Variants in SORCS2 observed in about 807,000 individuals in gnomAD.
SORCS2 encodes the protein sortilin related VPS10 domain containing receptor 2, also known as VPS10 domain-containing receptor SorCS2.
SORCS2 carries 100 observed loss-of-function variants against 141.6 expected under a neutral mutation model. The ratio of observed to expected loss-of-function variants is 0.71; its 90% confidence interval spans 0.60 to 0.83. SORCS2 has a LOEUF of 0.83. Ranked by LOEUF, SORCS2 falls within the 40% of genes least tolerant of loss-of-function variation. The pLI is 0.00. For missense variants in SORCS2, 1,646 were observed against 1,560.2 expected (o/e 1.05, Z -0.93); for synonymous variants, 789 against 676.9 (o/e 1.17, Z -2.57).
intron 3 of SORCS2, among the ~76,000 whole-genome samples, chr4:7,544,005 C>T (rs1301298690): frequency 1.4e-5 from 2 of 146,306 alleles, no homozygotes; most frequent in African/African-American, 2.5e-5. Context: ...CTCATCCATC[C>T]ATCCATCCAC....
rs564836238 is a variant in SORCS2 at position 7,640,387 on chromosome 4, TGG to T, written c.813+1897_813+1898del. On this transcript the variant is annotated intron_variant, in intron 4 of 26. Coordinates refer to ENST00000507866, the MANE Select transcript of SORCS2 (RefSeq NM_020777.3). ...GCATGTGTGAATGTACATGAGTGTG[TGG>T]GTGTGTGAGTGTGTGTGGGTGAGTG... Among the ~76,000 whole-genome samples, 243 of 137,848 alleles carry T rather than the reference TGG, an allele frequency of 1.8e-3. 4 individuals are homozygous for T. Among genetic ancestry groups the T allele is most frequent in the African/African-American group, 7.9e-3 (231 of 29,154 alleles). The allele number at this position is 137,848 out of a possible 152,430, so 90.4% of individuals were successfully genotyped here. A position where few individuals can be genotyped will look rare whatever the true frequency, so the allele number is the denominator to read the frequency against.
intron 3 of SORCS2, among the ~76,000 whole-genome samples, chr4:7,556,898 T>A (rs1237984338): frequency 6.9e-6 from 1 of 145,720 alleles, no homozygotes; most frequent in African/African-American, 2.5e-5. Context: ...CCACCCACCA[T>A]CCATCCATCC....
At chr4:7,617,590 G>C (rs1419889033) in intron 3 of SORCS2, among the ~76,000 whole-genome samples, 4 of 152,224 alleles carry the variant, frequency 2.6e-5, no homozygotes, top group Non-Finnish European at 5.9e-5. Context: ...ATGGAACCAT[G>C]GTGGGGGATT....
At chr4:7,422,399 G>T (rs533581449) in intron 2 of SORCS2, among the ~76,000 whole-genome samples, 1 of 152,140 alleles carries the variant, frequency 6.6e-6, no homozygotes, top group Non-Finnish European at 1.5e-5. Context: ...GGCCCCTCCC[G>T]TGGCCTTCCT....
chr4:7,367,677 G>T (rs1360472551), intron 1 of SORCS2, among the ~76,000 whole-genome samples: 1 of 152,248 alleles, frequency 6.6e-6, no homozygotes, highest in South Asian at 2.1e-4. Context: ...GCATACTCAG[G>T]AGCCCGTGTT....
At chr4:7,418,711 C>A (rs887734754) in intron 2 of SORCS2, among the ~76,000 whole-genome samples, 3 of 119,560 alleles carry the variant, frequency 2.5e-5, no homozygotes, top group Non-Finnish European at 3.8e-5. Flanking sequence ...GACCCCCCCC[C>A]CCACCAGATT....
intron 2 of SORCS2, among the ~76,000 whole-genome samples, chr4:7,425,732 G>C (rs1726388562): frequency 6.6e-6 from 1 of 152,220 alleles, no homozygotes; most frequent in South Asian, 2.1e-4. Flanking sequence ...AGTGGACCGA[G>C]CTGTCAGCAT....
At chr4:7,380,639 C>T (rs903204914) in intron 1 of SORCS2, among the ~76,000 whole-genome samples, 5 of 152,260 alleles carry the variant, frequency 3.3e-5, no homozygotes, top group African/African-American at 9.6e-5. Flanking sequence ...GCAGCCCCCT[C>T]GTTCCTCCTT....
At chr4:7,444,178 C>T (rs1431277406) in intron 2 of SORCS2, among the ~76,000 whole-genome samples, 2 of 152,220 alleles carry the variant, frequency 1.3e-5, no homozygotes, top group Non-Finnish European at 1.5e-5. Context: ...TACTAAGAGC[C>T]TACTATGTGC....
intron 1 of SORCS2, among the ~76,000 whole-genome samples, chr4:7,309,906 C>T (rs1432796491): frequency 6.6e-6 from 1 of 152,220 alleles, no homozygotes; most frequent in Non-Finnish European, 1.5e-5. Context: ...CTCTCCGGAG[C>T]AGCTCTGCAA....
At chr4:7,559,802 G>A (rs1229048237) in intron 3 of SORCS2, among the ~76,000 whole-genome samples, 1 of 152,268 alleles carries the variant, frequency 6.6e-6, no homozygotes, top group African/African-American at 2.4e-5. Flanking sequence ...CTCTCCACAA[G>A]GGCATAGCCC....
chr4:7,524,061 A>G (rs1381670750), intron 2 of SORCS2, among the ~76,000 whole-genome samples: 1 of 152,250 alleles, frequency 6.6e-6, no homozygotes, highest in Non-Finnish European at 1.5e-5. Flanking sequence ...TTCCTCATGT[A>G]GAATAGAAGC....
chr4:7,288,089 G>A (rs573283711), intron 1 of SORCS2, among the ~76,000 whole-genome samples: 1 of 152,150 alleles, frequency 6.6e-6, no homozygotes, highest in Admixed American at 6.5e-5. Context: ...TTCAGATGGG[G>A]CTCCCCGGGG....
chr4:7,740,761 T>G lies in SORCS2; in HGVS notation c.*497T>G. ...CTGTGGGAGCCCGGGTGCCAGGCCC[T>G]CCCAACACCACACCACCCTCCAGGC... On this transcript the variant is annotated 3_prime_UTR_variant, in exon 27 of 27. Transcript: ENST00000507866. 3.0e-6 allele frequency: 1 copy of G among 333,434 alleles called. No individual in the cohort carries two copies. The highest frequency in any genetic ancestry group is 4.6e-5 in the Admixed American group (1 of 21,884). 20.7% of individuals were successfully genotyped at this position (333,434 alleles called of 1,614,324 possible).
chr4:7,539,585 C>T (rs1001760267), intron 3 of SORCS2, among the ~76,000 whole-genome samples: 1 of 152,142 alleles, frequency 6.6e-6, no homozygotes, highest in African/African-American at 2.4e-5. Context: ...TTTCTTCCTT[C>T]TCTTTGTCTC....
chr4:7,255,018 C>T (rs1713755262), intron 1 of SORCS2, among the ~76,000 whole-genome samples: 1 of 151,994 alleles, frequency 6.6e-6, no homozygotes, highest in African/African-American at 2.4e-5. Context: ...AGTATGTGAG[C>T]ATGTGTGTGA....
intron 1 of SORCS2, among the ~76,000 whole-genome samples, chr4:7,308,225 T>G (rs1717960197): frequency 6.6e-6 from 1 of 152,152 alleles, no homozygotes; most frequent in African/African-American, 2.4e-5. Flanking sequence ...ATCAGTGTTT[T>G]CCACTCCAGG....
chr4:7,654,803 C>A (rs905500593), intron 5 of SORCS2, among the ~76,000 whole-genome samples: 2 of 152,212 alleles, frequency 1.3e-5, no homozygotes, highest in African/African-American at 2.4e-5. Context: ...AAGCCCCCAC[C>A]CTGGCCTCCT....
chr4:7,197,422 G>A (rs1727236338), intron 1 of SORCS2, among the ~76,000 whole-genome samples: 1 of 152,158 alleles, frequency 6.6e-6, no homozygotes, highest in Admixed American at 6.5e-5. Context: ...TCTTAGAGTA[G>A]TCTAGTGGGA....
Sources: allele counts gnomAD v4.1 joint callset (sites outside exome capture counted in the v4.1 genomes callset), GRCh38; gene constraint gnomAD v4.1.1; transcripts MANE v1.5; gene names NCBI Gene and HGNC (gene_info 2026-07-23, HGNC 2026-07-21).